Variants in GPC5 observed in about 807,000 individuals in gnomAD.
GPC5 encodes glypican 5, also known as glypican-5.
A neutral mutation model predicts 53.9 loss-of-function variants in GPC5; 47 were observed. The ratio of observed to expected loss-of-function variants is 0.87; its 90% confidence interval spans 0.69 to 1.11. The LOEUF (loss-of-function observed/expected upper bound fraction) is 1.11. Among genes scored for constraint, GPC5 ranks in the 50% most tolerant of loss-of-function variants. The probability of loss-of-function intolerance (pLI) is 0.00; values close to 1 mark genes in which losing one functional copy is unlikely to be tolerated. For synonymous variants in GPC5, 286 were observed against 263.3 expected, an observed-to-expected ratio of 1.09 and a Z score of -0.84; for missense variants, 748 against 713.1, an observed-to-expected ratio of 1.05 and a Z score of -0.56.
intron 6 of GPC5, among the ~76,000 whole-genome samples, chr13:91,944,940 T>C (rs1208937255): frequency 6.6e-6 from 1 of 152,222 alleles, no homozygotes; most frequent in Admixed American, 6.5e-5. Context: ...CCAAAATGAT[T>C]TTCTTTTTCT....
At chr13:91,769,627 G>C (rs994030569) in intron 5 of GPC5, among the ~76,000 whole-genome samples, 4 of 152,164 alleles carry the variant, frequency 2.6e-5, no homozygotes, top group African/African-American at 9.7e-5. Flanking sequence ...TGTGGCTCAG[G>C]GTGATGCAGA....
intron 6 of GPC5, chr13:91,994,642 T>C (rs1001012651): frequency 6.6e-6 from 1 of 152,206 alleles, no homozygotes; most frequent in East Asian, 1.9e-4. Flanking sequence ...TAAATTCTGA[T>C]GCATAGGGCC....
At chr13:92,728,789 T>C (rs559794080) in intron 7 of GPC5, among the ~76,000 whole-genome samples, 138 of 151,536 alleles carry the variant, frequency 9.1e-4, no homozygotes, top group African/African-American at 3.3e-3. Flanking sequence ...TTGTAATTTT[T>C]GCATGTTGCA....
chr13:91,715,500 C>T (rs554702132), intron 3 of GPC5, among the ~76,000 whole-genome samples: 14 of 152,096 alleles, frequency 9.2e-5, no homozygotes, highest in African/African-American at 2.9e-4. Context: ...CAAAAAAGAA[C>T]AAAATGTAAA....
chr13:92,864,273 T>C (rs1879274369), intron 7 of GPC5, among the ~76,000 whole-genome samples: 1 of 152,168 alleles, frequency 6.6e-6, no homozygotes, highest in Non-Finnish European at 1.5e-5. Flanking sequence ...ATTTATTTAT[T>C]AGTAACACCT....
intron 7 of GPC5, chr13:92,510,065 T>C (rs931778568): frequency 3.9e-5 from 6 of 152,118 alleles, no homozygotes; most frequent in Admixed American, 3.3e-4. Context: ...AATCCAAGGG[T>C]TACTTAGAAA....
At chr13:92,796,594 G>A (rs1876694023) in intron 7 of GPC5, among the ~76,000 whole-genome samples, 1 of 151,906 alleles carries the variant, frequency 6.6e-6, no homozygotes, top group African/African-American at 2.4e-5. Context: ...AGGGTAGGAA[G>A]ATTCTCTAGT....
chr13:91,695,505 C>G (rs2035861588), intron 3 of GPC5, among the ~76,000 whole-genome samples: 1 of 152,106 alleles, frequency 6.6e-6, no homozygotes, highest in Non-Finnish European at 1.5e-5. Flanking sequence ...TCCCACGTAG[C>G]TGGGACTACA....
chr13:92,671,597 CA>C (rs1886754665), intron 7 of GPC5, among the ~76,000 whole-genome samples: 1 of 152,072 alleles, frequency 6.6e-6, no homozygotes, highest in African/African-American at 2.4e-5. Context: ...TCTTGAGCAG[CA>C]GTAATTATGG....
rs1386195633 is a variant in GPC5, at chr13:92,866,321, T to A, written c.1601T>A (p.Ile534Asn). The change falls in exon 8 of 8, where the codon ATC becomes AAC. Residue 534 changes from isoleucine to asparagine, a missense_variant. Physicochemically the swap from Ile to Asn is moderately radical, Grantham distance 149 (BLOSUM62 -3). Transcript: ENST00000377067. ...DDMNFSDVKQ[I>N]HQTDTGSTLD... The stretch of plus-strand genomic sequence containing the variant: ...ATGAACTTCAGTGATGTAAAGCAAA[T>A]CCATCAAACAGACACTGGCAGTACT... 1 of 1,612,614 alleles carries A rather than the reference T, an allele frequency of 6.2e-7. No homozygotes were observed. The highest frequency in any genetic ancestry group is 1.1e-5 in the South Asian group (1 of 90,980).
intron 2 of GPC5, among the ~76,000 whole-genome samples, chr13:91,644,691 C>G (rs899639200): frequency 6.6e-6 from 1 of 151,986 alleles, no homozygotes; most frequent in African/African-American, 2.4e-5. Context: ...TTATCTTAAC[C>G]TGTCTTTTGT....
chr13:92,022,451 G>A (rs1294908440), intron 6 of GPC5, among the ~76,000 whole-genome samples: 2 of 152,078 alleles, frequency 1.3e-5, no homozygotes, highest in Non-Finnish European at 2.9e-5. Context: ...GGCTTCCTTT[G>A]CTTGTAAGTA....
intron 1 of GPC5, among the ~76,000 whole-genome samples, chr13:91,413,233 A>T (rs1001385759): frequency 6.6e-6 from 1 of 152,218 alleles, no homozygotes; most frequent in Admixed American, 6.5e-5. Context: ...GTGAACTATG[A>T]TCATGTCACT....
At chr13:91,632,246 T>C (rs567313220) in intron 2 of GPC5, among the ~76,000 whole-genome samples, 27 of 152,240 alleles carry the variant, frequency 1.8e-4, no homozygotes, top group Middle Eastern at 3.4e-3. Context: ...AGATGATTAG[T>C]GTGCAAGATG....
intron 2 of GPC5, among the ~76,000 whole-genome samples, chr13:91,572,564 G>T (rs868500597): frequency 2.0e-5 from 3 of 151,908 alleles, no homozygotes; most frequent in African/African-American, 7.3e-5. Context: ...AGGGGAGGAG[G>T]TGCCAGGCTC....
At chr13:92,259,176 T>C (rs2042747783) in intron 7 of GPC5, among the ~76,000 whole-genome samples, 2 of 152,212 alleles carry the variant, frequency 1.3e-5, no homozygotes, top group African/African-American at 4.8e-5. Context: ...TTTCTGCTGT[T>C]GGTAGGAACC....
At chr13:91,445,263 A>G (rs574207314) in intron 1 of GPC5, among the ~76,000 whole-genome samples, 126 of 152,312 alleles carry the variant, frequency 8.3e-4, no homozygotes, top group South Asian at 2.7e-3. Flanking sequence ...GAAGTAAAAT[A>G]AAGGTTACTT....
chr13:92,270,041 T>A (rs1402871015), intron 7 of GPC5, among the ~76,000 whole-genome samples: 1 of 151,978 alleles, frequency 6.6e-6, no homozygotes, highest in East Asian at 1.9e-4. Context: ...GGAACTGTGG[T>A]TCAGGGAAGG....
intron 5 of GPC5, among the ~76,000 whole-genome samples, chr13:91,823,430 C>T (rs1290523725): frequency 6.6e-6 from 1 of 151,964 alleles, no homozygotes; most frequent in African/African-American, 2.4e-5. Flanking sequence ...TCCTCATGAC[C>T]AATCATAAAT....
Sources: allele counts gnomAD v4.1 joint callset (sites outside exome capture counted in the v4.1 genomes callset), GRCh38; gene constraint gnomAD v4.1.1; transcripts MANE v1.5; gene names NCBI Gene and HGNC (gene_info 2026-07-23, HGNC 2026-07-21).